GOLGA8B: variants seen among roughly 807,000 people sequenced by gnomAD.
GOLGA8B encodes the protein golgin subfamily A member 8B.
A neutral mutation model predicts 15.6 loss-of-function variants in GOLGA8B; 1 was observed. The ratio of observed to expected loss-of-function variants is 0.06; its 90% CI spans 0.02 to 0.30. The LOEUF is 0.30. Among genes scored for constraint, GOLGA8B ranks in the 10% least tolerant of loss-of-function variants. The probability of loss-of-function intolerance (pLI) is 1.00; values close to 1 mark genes in which losing one functional copy is unlikely to be tolerated. For synonymous variants in GOLGA8B, 9 were observed against 80.3 expected, an observed-to-expected ratio of 0.11 and a Z score of 4.75; for missense variants, 17 against 201.3, an observed-to-expected ratio of 0.08 and a Z score of 5.54.
At chr15:34,583,305 G>A (rs1243699938) in intron 1 of GOLGA8B, among the ~76,000 whole-genome samples, 4 of 152,114 alleles carry the variant, frequency 2.6e-5, no homozygotes, top group Non-Finnish European at 2.9e-5. Flanking sequence ...AGGAGGATGG[G>A]CCGGTCCGAG....
At chr15:34,571,358 A>G (rs957246830) in intron 1 of GOLGA8B, among the ~76,000 whole-genome samples, 10 of 152,206 alleles carry the variant, frequency 6.6e-5, no homozygotes, top group African/African-American at 2.2e-4. Flanking sequence ...ATTCAAAGGA[A>G]TATAGGAGAA....
At chr15:34,572,180 G>A (rs1242628007) in intron 1 of GOLGA8B, among the ~76,000 whole-genome samples, 3 of 152,212 alleles carry the variant, frequency 2.0e-5, no homozygotes, top group African/African-American at 7.2e-5. Context: ...TCCAGAGAGT[G>A]TCAGTGGGGA....
Position 34,551,711 on chromosome 15 carries a change from A to G in GOLGA8B, c.-713-435T>C, listed in dbSNP as rs1888383095. Among the ~76,000 whole-genome samples, 2 of 117,412 alleles carry G rather than the reference A, an allele frequency of 1.7e-5. 1 individual carries two copies. The highest frequency in any genetic ancestry group is 6.4e-5 in the African/African-American group (2 of 31,014). The allele number at this position is 117,412 out of a possible 152,430, so 77.0% of individuals were successfully genotyped here. A position where few individuals can be genotyped will look rare whatever the true frequency, so the allele number is the denominator to read the frequency against. On this transcript the variant is annotated intron_variant, in intron 3 of 23. Transcript: ENST00000683415. Reference sequence around the variant, plus strand: ...GCTGGGATTTCAGACACCCATCACCACGCCCAGCTAATTTGTGTATATTTT... The same window carrying G: ...GCTGGGATTTCAGACACCCATCACCGCGCCCAGCTAATTTGTGTATATTTT...
Position 34,527,151 on chromosome 15 carries a change from G to A in GOLGA8B, c.*481C>T, listed in dbSNP as rs536370838. 8.2e-5 allele frequency: 24 copies of A among 292,526 alleles called. 2 individuals are homozygous for A. The highest frequency in any genetic ancestry group is 5.2e-4 in the African/African-American group (23 of 43,966). The allele number at this position is 292,526 out of a possible 1,614,324, so 18.1% of individuals were successfully genotyped here. On this transcript the variant is annotated 3_prime_UTR_variant, in exon 24 of 24. Coordinates refer to ENST00000683415, the MANE Select transcript of GOLGA8B (RefSeq NM_001023567.5). Reference sequence around the variant, plus strand: ...AAAGTAATAAACAGTGCACACTTGAGGGCAAACCGCATATTGAGCTATGGA... The same window carrying A: ...AAAGTAATAAACAGTGCACACTTGAAGGCAAACCGCATATTGAGCTATGGA...
rs1227373872 is a variant in GOLGA8B at position 34,526,272 on chromosome 15, TCTC to T, written c.*1357_*1359del. Reference sequence around the variant, plus strand: ...GTAAACATTTTCAGTTGCATAAACTTCTCCTTGATTTTCAAAGATAATATAATA... The same window carrying T: ...GTAAACATTTTCAGTTGCATAAACTTCTTGATTTTCAAAGATAATATAATA... On this transcript the variant is annotated 3_prime_UTR_variant, in exon 24 of 24. Transcript: ENST00000683415. The T allele has an allele frequency of 2.0e-5, 3 of 149,892 alleles. No homozygotes were observed. Among genetic ancestry groups the T allele is most frequent in the Non-Finnish European group, 4.5e-5 (3 of 67,252 alleles). The allele number at this position is 149,892 out of a possible 1,614,324, so 9.3% of individuals were successfully genotyped here.
intron 1 of GOLGA8B, among the ~76,000 whole-genome samples, chr15:34,583,124 C>A (rs1162735321): frequency 6.6e-6 from 1 of 152,034 alleles, no homozygotes; most frequent in Admixed American, 6.5e-5. Context: ...CGGCGTCAAG[C>A]GGGGCAGCGG....
intron 6 of GOLGA8B, among the ~76,000 whole-genome samples, 173 bp from the exon 7 acceptor site, chr15:34,545,126 C>T (rs1321808978): frequency 1.8e-5 from 2 of 109,092 alleles, no homozygotes; most frequent in Admixed American, 2.1e-4. Flanking sequence ...AAACAACAAA[C>T]GGATGTTGCA....
chr15:34,576,518 T>C (rs4999447), intron 1 of GOLGA8B, among the ~76,000 whole-genome samples: 271 of 152,260 alleles, frequency 1.8e-3, no homozygotes, highest in African/African-American at 6.0e-3. Flanking sequence ...AACGATGACA[T>C]GCTCCTCTCC....
At chr15:34,575,332 C>T (rs1433727417) in intron 1 of GOLGA8B, among the ~76,000 whole-genome samples, 4 of 151,376 alleles carry the variant, frequency 2.6e-5, no homozygotes, top group Non-Finnish European at 5.9e-5. Context: ...CCACACCCTC[C>T]TCTCGCCTCT....
At chr15:34,568,666 T>C (rs548727953) in intron 1 of GOLGA8B, among the ~76,000 whole-genome samples, 3 of 27,284 alleles carry the variant, frequency 1.1e-4, no homozygotes, top group East Asian at 9.7e-4. Flanking sequence ...CTGAGCAACA[T>C]AGTGAGATCC....
At chr15:34,567,954 C>T (rs1334578162) in intron 1 of GOLGA8B, among the ~76,000 whole-genome samples, 1 of 151,520 alleles carries the variant, frequency 6.6e-6, no homozygotes, top group Non-Finnish European at 1.5e-5. Context: ...CCATCCCAAA[C>T]TGGAAGGAAG....
intron 1 of GOLGA8B, among the ~76,000 whole-genome samples, chr15:34,580,905 C>T (rs1889210465): frequency 6.6e-6 from 1 of 152,204 alleles, no homozygotes; most frequent in Non-Finnish European, 1.5e-5. Flanking sequence ...GTTCCTAGTC[C>T]TCACGGCCAC....
intron 1 of GOLGA8B, among the ~76,000 whole-genome samples, chr15:34,576,863 T>C (rs1464904885): frequency 6.6e-6 from 1 of 152,194 alleles, no homozygotes; most frequent in Non-Finnish European, 1.5e-5. Flanking sequence ...GCAGGCAGGT[T>C]GGTAAAACAC....
At chr15:34,576,054 G>A (rs1485570300) in intron 1 of GOLGA8B, among the ~76,000 whole-genome samples, 10 of 152,158 alleles carry the variant, frequency 6.6e-5, no homozygotes, top group East Asian at 1.9e-4. Flanking sequence ...ATGACGGGAC[G>A]GGCAAGGTGA....
chr15:34,533,001 GTT>G lies in GOLGA8B; in HGVS notation c.169-41_169-40del, dbSNP rs1187555785. 18 of 700,294 alleles carry G rather than the reference GTT, an allele frequency of 2.6e-5. 2 individuals are homozygous for G. The highest frequency in any genetic ancestry group is 3.4e-5 in the Non-Finnish European group (16 of 475,412). The allele number at this position is 700,294 out of a possible 1,614,324, so 43.4% of individuals were successfully genotyped here. ...TAGAGAGAACGATCATTAGGGCTGG[GTT>G]GTGTGTGGGCTGTCTCAGCTGGCAG... On this transcript the variant is annotated intron_variant, in intron 10 of 23. Coordinates refer to ENST00000683415, the MANE Select transcript of GOLGA8B (RefSeq NM_001023567.5).
At chr15:34,583,174 G>A (rs1047019462) in intron 1 of GOLGA8B, among the ~76,000 whole-genome samples, 7 of 151,910 alleles carry the variant, frequency 4.6e-5, no homozygotes, top group Non-Finnish European at 8.8e-5. Context: ...AGATCCGAGC[G>A]GGCGGCCCCG....
intron 1 of GOLGA8B, among the ~76,000 whole-genome samples, chr15:34,567,714 G>T (rs979716976): frequency 1.3e-5 from 2 of 151,830 alleles, no homozygotes; most frequent in African/African-American, 4.9e-5. Context: ...ACGCACACGG[G>T]CAGATATTAA....
rs1346918070 is a variant in GOLGA8B at position 34,525,202 on chromosome 15, C to T, written c.*2430G>A. The T allele has an allele frequency of 6.7e-6, 1 of 149,826 alleles. No homozygotes were observed. The highest frequency in any genetic ancestry group is 1.5e-5 in the Non-Finnish European group (1 of 67,316). 9.3% of individuals were successfully genotyped at this position (149,826 alleles called of 1,614,324 possible). A position where few individuals can be genotyped will look rare whatever the true frequency, so the allele number is the denominator to read the frequency against. On this transcript the variant is annotated 3_prime_UTR_variant, in exon 24 of 24. Coordinates refer to ENST00000683415, the MANE Select transcript of GOLGA8B (RefSeq NM_001023567.5). ...CAGATTATCTCATGCCAAGCATGCC[C>T]AGTATTTGCACAGTATCAATACCTT...
intron 1 of GOLGA8B, among the ~76,000 whole-genome samples, chr15:34,559,050 T>TA (rs1462841808): frequency 1.4e-5 from 1 of 70,790 alleles, no homozygotes; most frequent in Non-Finnish European, 2.7e-5. Context: ...CGGTACAAAA[T>TA]AAAAGGATTT....
Sources: allele counts gnomAD v4.1 joint callset (sites outside exome capture counted in the v4.1 genomes callset), GRCh38; gene constraint gnomAD v4.1.1; transcripts MANE v1.5; gene names NCBI Gene and HGNC (gene_info 2026-07-23, HGNC 2026-07-21).